Variants in C8orf34 observed in about 807,000 individuals in gnomAD.
C8orf34 encodes the protein chromosome 8 open reading frame 34, also known as uncharacterized protein C8orf34.
A neutral mutation model predicts 68.3 loss-of-function variants in C8orf34; 65 were observed. The ratio of observed to expected loss-of-function variants is 0.95; its 90% CI spans 0.78 to 1.17. The LOEUF (loss-of-function observed/expected upper bound fraction) is 1.17, where lower values mean the gene tolerates loss of function less well. Ranked by LOEUF, C8orf34 falls within the 50% of genes most tolerant of loss-of-function variation. C8orf34 has a pLI of 0.00. For synonymous variants in C8orf34, 244 were observed against 241.2 expected (o/e 1.01, Z -0.11); for missense variants, 664 against 655.4 (o/e 1.01, Z -0.14).
chr8:68,562,280 A>G (rs1402646188), intron 7 of C8orf34, among the ~76,000 whole-genome samples: 2 of 152,150 alleles, frequency 1.3e-5, no homozygotes, highest in African/African-American at 4.8e-5. Context: ...TCCCTCATTG[A>G]CCAAAGCATC....
intron 3 of C8orf34, among the ~76,000 whole-genome samples, chr8:68,453,049 C>G (rs940730197): frequency 2.0e-5 from 3 of 151,900 alleles, no homozygotes; most frequent in Admixed American, 1.3e-4. Flanking sequence ...ATAATCTTGT[C>G]ACCCCATTGA....
At chr8:68,372,885 C>A (rs1310706680) in intron 1 of C8orf34, among the ~76,000 whole-genome samples, 1 of 152,188 alleles carries the variant, frequency 6.6e-6, no homozygotes, top group Non-Finnish European at 1.5e-5. Context: ...AACAGGAAGT[C>A]AGCTGACAAA....
At chr8:68,571,090 C>A (rs1239206691) in intron 7 of C8orf34, among the ~76,000 whole-genome samples, 1 of 152,008 alleles carries the variant, frequency 6.6e-6, no homozygotes, top group Non-Finnish European at 1.5e-5. Flanking sequence ...AGAGTAGGAC[C>A]CTGGAGGAAG....
chr8:68,678,410 G>C (rs1331454961), intron 8 of C8orf34, among the ~76,000 whole-genome samples: 1 of 152,130 alleles, frequency 6.6e-6, no homozygotes, highest in Non-Finnish European at 1.5e-5. Flanking sequence ...AATTATATCA[G>C]GGATGCAAGG....
In C8orf34 at chr8:68,468,723, C is replaced by A. The variant is rs537514672; in HGVS notation, c.639C>A (p.Asn213Lys). 1.2e-6 allele frequency: 2 copies of A among 1,612,760 alleles called. No homozygotes were observed. The highest frequency in any genetic ancestry group is 1.7e-6 in the Non-Finnish European group (2 of 1,179,216). Residue 213 changes from asparagine to lysine, a missense_variant, in exon 4 of 14, where the codon AAC becomes AAA. Asn to Lys is a moderately conservative substitution (Grantham distance 94, BLOSUM62 0). Transcript: ENST00000518698. ...GGTCAGTAGAGCATCCAAAGTGGAA[C>A]TGGAGGACTAAACCACAAAGCCGTG... ...LPRSVEHPKW[N>K]WRTKPQSRDF...
At chr8:68,567,827 G>A (rs963439382) in intron 7 of C8orf34, among the ~76,000 whole-genome samples, 3 of 151,108 alleles carry the variant, frequency 2.0e-5, no homozygotes, top group South Asian at 2.1e-4. Flanking sequence ...TCTTGCATTC[G>A]CAACTTGGCT....
At chr8:68,350,380 TGTG>T in intron 1 of C8orf34, among the ~76,000 whole-genome samples, 1 of 152,124 alleles carries the variant, frequency 6.6e-6, no homozygotes, top group Admixed American at 6.6e-5. Context: ...GTATGTGCCA[TGTG>T]GTGACGAGAA....
At chr8:68,494,002 C>T (rs1813418886) in intron 5 of C8orf34, among the ~76,000 whole-genome samples, 1 of 152,102 alleles carries the variant, frequency 6.6e-6, no homozygotes, top group Non-Finnish European at 1.5e-5. Flanking sequence ...ATTATGAAGC[C>T]ATCCCACTTC....
intron 1 of C8orf34, among the ~76,000 whole-genome samples, chr8:68,427,162 G>A (rs2129624365): frequency 6.6e-6 from 1 of 152,216 alleles, no homozygotes; most frequent in Admixed American, 6.5e-5. Flanking sequence ...GCCCTAACAT[G>A]TAATGCAGTA....
chr8:68,649,116 A>T (rs560725483), intron 8 of C8orf34, among the ~76,000 whole-genome samples: 2 of 152,190 alleles, frequency 1.3e-5, no homozygotes, highest in Non-Finnish European at 2.9e-5. Context: ...GGATAAGGAC[A>T]AAAAAGGATT....
chr8:68,613,754 G>A (rs189668593), intron 7 of C8orf34, among the ~76,000 whole-genome samples: 22,443 of 150,480 alleles, frequency 0.15, 1,823 homozygotes, highest in African/African-American at 0.21. Flanking sequence ...AAATATACAT[G>A]TGCATGTGTC....
intron 4 of C8orf34, among the ~76,000 whole-genome samples, chr8:68,469,816 T>C (rs1812302740): frequency 6.6e-6 from 1 of 151,958 alleles, no homozygotes; most frequent in African/African-American, 2.4e-5. Flanking sequence ...AGAATCTTAC[T>C]AATTTCATTA....
chr8:68,498,044 T>C (rs111846790), intron 5 of C8orf34, among the ~76,000 whole-genome samples: 2,987 of 152,230 alleles, frequency 0.02, 98 homozygotes, highest in African/African-American at 0.063. Flanking sequence ...GTCAGGCTGC[T>C]CTCGACCTCC....
chr8:68,727,631 T>C (rs1267739849), intron 10 of C8orf34, among the ~76,000 whole-genome samples: 1 of 152,248 alleles, frequency 6.6e-6, no homozygotes, highest in Non-Finnish European at 1.5e-5. Flanking sequence ...GGCGTTTCCA[T>C]ATATCTTCCG....
chr8:68,519,130 G>T (rs1814644323), intron 5 of C8orf34, among the ~76,000 whole-genome samples: 1 of 152,134 alleles, frequency 6.6e-6, no homozygotes. Context: ...TAATAGAAGT[G>T]ACTGTTCGAA....
intron 7 of C8orf34, among the ~76,000 whole-genome samples, chr8:68,550,453 G>T (rs1816028367): frequency 6.6e-6 from 1 of 151,704 alleles, no homozygotes; most frequent in Admixed American, 6.6e-5. Context: ...ATACACACAT[G>T]TGTAATTTAA....
At chr8:68,425,572 A>G (rs1380529623) in intron 1 of C8orf34, among the ~76,000 whole-genome samples, 2 of 152,182 alleles carry the variant, frequency 1.3e-5, no homozygotes, top group Non-Finnish European at 2.9e-5. Context: ...TTACGATGAA[A>G]AGTACAAAAT....
chr8:68,477,384 T>G (rs1812666724), intron 4 of C8orf34, among the ~76,000 whole-genome samples: 1 of 152,106 alleles, frequency 6.6e-6, no homozygotes, highest in South Asian at 2.1e-4. Context: ...AGGACAGAAA[T>G]GAATAGAGCC....
chr8:68,685,104 G>T (rs1400745407), intron 8 of C8orf34, among the ~76,000 whole-genome samples: 1 of 151,806 alleles, frequency 6.6e-6, no homozygotes, highest in Non-Finnish European at 1.5e-5. Flanking sequence ...TCATACTAAG[G>T]TATGTTTTAA....
Sources: gnomAD v4.1 joint callset for allele counts (sites outside exome capture counted in the v4.1 genomes callset) on GRCh38, gnomAD v4.1.1 for gene constraint, MANE v1.5 for transcripts, NCBI Gene and HGNC (gene_info 2026-07-23, HGNC 2026-07-21) for gene names.